The following ANKRD17 variants were observed in gnomAD, a reference collection of about 807,000 sequenced individuals.
ANKRD17 encodes the protein ankyrin repeat domain-containing protein 17.
A neutral mutation model predicts 229.7 loss-of-function variants in ANKRD17; 19 were observed. The ratio of observed to expected loss-of-function variants is 0.08; its 90% CI spans 0.06 to 0.12. The LOEUF (loss-of-function observed/expected upper bound fraction) is 0.12. ANKRD17 is among the 10% of genes least tolerant of loss of function. The pLI is 1.00. For synonymous variants in ANKRD17, 1,112 were observed against 1,146.1 expected, an observed-to-expected ratio of 0.97 and a Z score of 0.60; for missense variants, 2,176 against 3,176.8, an observed-to-expected ratio of 0.68 and a Z score of 7.57.
intron 1 of ANKRD17, among the ~76,000 whole-genome samples, chr4:73,193,931 C>CTTTTT: frequency 6.6e-6 from 1 of 152,018 alleles, no homozygotes. Flanking sequence ...AACCTTGTCT[C>CTTTTT]AAAAACAACA....
chr4:73,168,378 T>C (rs1438509039), intron 2 of ANKRD17, among the ~76,000 whole-genome samples: 2 of 152,172 alleles, frequency 1.3e-5, no homozygotes, highest in African/African-American at 4.8e-5. Context: ...AAAATGATTA[T>C]AGAGATTTCA....
At chr4:73,242,190 A>G (rs1744102147) in intron 1 of ANKRD17, among the ~76,000 whole-genome samples, 1 of 152,176 alleles carries the variant, frequency 6.6e-6, no homozygotes, top group Non-Finnish European at 1.5e-5. Context: ...GAAATGAGAG[A>G]AAAAATAATT....
At chr4:73,205,242 G>A (rs1031005144) in intron 1 of ANKRD17, among the ~76,000 whole-genome samples, 2 of 152,132 alleles carry the variant, frequency 1.3e-5, no homozygotes, top group African/African-American at 2.4e-5. Context: ...TGAGAGGATC[G>A]CTTGTGCCCA....
At position 73,097,434 on chromosome 4, in the gene ANKRD17, C is replaced by CT. The variant is rs1277668219; in HGVS notation, c.5022-163dup. On this transcript the variant is annotated intron_variant, in intron 26 of 33. Transcript: ENST00000358602. ...ATATTTAGCATATAATATAGAGAGC[C>CT]TTTTTTTTTTTTTCTTTTTGAGACA... Among the ~76,000 whole-genome samples the CT allele has an allele frequency of 3.4e-3, 452 of 131,968 alleles. 1 individual carries two copies. Among genetic ancestry groups the CT allele is most frequent in the South Asian group, 0.018 (75 of 4,238 alleles). The allele number at this position is 131,968 out of a possible 152,430, so 86.6% of individuals were successfully genotyped here.
chr4:73,241,716 T>C (rs1296593487), intron 1 of ANKRD17, among the ~76,000 whole-genome samples: 1 of 152,032 alleles, frequency 6.6e-6, no homozygotes, highest in East Asian at 1.9e-4. Flanking sequence ...AAGGAAAAAA[T>C]ATTTACAGTT....
intron 1 of ANKRD17, among the ~76,000 whole-genome samples, chr4:73,254,635 G>A (rs1201853670): frequency 6.6e-6 from 1 of 152,052 alleles, no homozygotes; most frequent in Non-Finnish European, 1.5e-5. Context: ...AGGCCTGGTG[G>A]CGGATGCCTG....
intron 1 of ANKRD17, among the ~76,000 whole-genome samples, chr4:73,231,511 T>C (rs1743043125): frequency 1.3e-5 from 2 of 152,194 alleles, no homozygotes; most frequent in Non-Finnish European, 2.9e-5. Flanking sequence ...CAAGCAATTA[T>C]TTAAAGATGT....
At position 73,077,917 on chromosome 4, in the gene ANKRD17, A is replaced by G. The variant is rs940834429; in HGVS notation, c.7409-384T>C. Among the ~76,000 whole-genome samples the G allele has an allele frequency of 4.6e-5, 7 of 152,222 alleles. No individual in the cohort carries two copies. In the East Asian group the frequency reaches 1.3e-3, roughly 29 times the overall value. ...AGAGCTCATAAAGAAGTGATTAAAT[A>G]TTCACATAACAAAAAAAATAGGAAT... is the stretch of plus-strand genomic sequence containing the variant. On this transcript the variant is annotated intron_variant, in intron 31 of 33. Transcript: ENST00000358602.
chr4:73,080,617 C>T (rs75908862), intron 30 of ANKRD17: 2 of 152,086 alleles, frequency 1.3e-5, no homozygotes, highest in African/African-American at 4.8e-5. Flanking sequence ...AAAATCAACC[C>T]AGAACAACTA....
At chr4:73,130,571 T>C (rs1728066136) in intron 16 of ANKRD17, among the ~76,000 whole-genome samples, 1 of 151,866 alleles carries the variant, frequency 6.6e-6, no homozygotes, top group Non-Finnish European at 1.5e-5. Flanking sequence ...ATATGTTAAT[T>C]ATTAAAAAGT....
intron 16 of ANKRD17, among the ~76,000 whole-genome samples, chr4:73,130,967 G>A (rs1169503826): frequency 1.3e-5 from 2 of 151,986 alleles, no homozygotes; most frequent in Admixed American, 6.6e-5. Flanking sequence ...CCACAAATAA[G>A]TTTGGTTATA....
At chr4:73,198,372 T>C (rs1163525838) in intron 1 of ANKRD17, among the ~76,000 whole-genome samples, 1 of 152,206 alleles carries the variant, frequency 6.6e-6, no homozygotes, top group Admixed American at 6.5e-5. Flanking sequence ...CTGCAAAGTA[T>C]ACTTAACAAA....
chr4:73,239,361 T>C (rs1743800316), intron 1 of ANKRD17, among the ~76,000 whole-genome samples: 1 of 152,158 alleles, frequency 6.6e-6, no homozygotes, highest in Admixed American at 6.5e-5. Context: ...TTCAGTATTG[T>C]TTGTAACAGC....
chr4:73,111,654 C>CAA (rs1045299456), intron 24 of ANKRD17, among the ~76,000 whole-genome samples: 6 of 152,036 alleles, frequency 3.9e-5, no homozygotes, highest in Non-Finnish European at 5.9e-5. Flanking sequence ...TTTGTCGTGA[C>CAA]AAAAAACTGG....
At chr4:73,163,977 C>T (rs1177791309) in intron 2 of ANKRD17, among the ~76,000 whole-genome samples, 1 of 152,094 alleles carries the variant, frequency 6.6e-6, no homozygotes, top group Non-Finnish European at 1.5e-5. Context: ...TTCATATCTG[C>T]TACAGTTAAG....
At chr4:73,122,544 A>T (rs1320452844) in intron 18 of ANKRD17, among the ~76,000 whole-genome samples, 2 of 152,172 alleles carry the variant, frequency 1.3e-5, no homozygotes, top group Admixed American at 6.5e-5. Context: ...TTTAATGCCT[A>T]AACAATCCTT....
At chr4:73,252,873 T>C (rs1745148300) in intron 1 of ANKRD17, among the ~76,000 whole-genome samples, 1 of 152,192 alleles carries the variant, frequency 6.6e-6, no homozygotes, top group South Asian at 2.1e-4. Flanking sequence ...TGCTTTCTTT[T>C]TCTTTAGTGA....
chr4:73,121,820 A>G, intron 18 of ANKRD17, 61 bp from the exon 19 acceptor site: 1 of 1,490,534 alleles, frequency 6.7e-7, no homozygotes, highest in East Asian at 2.3e-5. Flanking sequence ...CAAAGTGTGT[A>G]TTTTTAAATT....
chr4:73,096,540 T>C (rs759955065), intron 27 of ANKRD17, among the ~76,000 whole-genome samples: 3 of 152,200 alleles, frequency 2.0e-5, no homozygotes, highest in Non-Finnish European at 2.9e-5. Flanking sequence ...AACCAAAAGT[T>C]TAAATTTTTA....
Sources: allele counts gnomAD v4.1 joint callset (sites outside exome capture counted in the v4.1 genomes callset), GRCh38; gene constraint gnomAD v4.1.1; transcripts MANE v1.5; gene names NCBI Gene and HGNC (gene_info 2026-07-23, HGNC 2026-07-21).